The following FAM177A1 variants were observed in gnomAD, a reference collection of about 807,000 sequenced individuals.
FAM177A1 encodes family with sequence similarity 177 member A1.
FAM177A1 carries 22 observed loss-of-function variants against 26.1 expected under a neutral mutation model. The ratio of observed to expected loss-of-function variants is 0.84; its 90% confidence interval spans 0.60 to 1.20. The LOEUF (loss-of-function observed/expected upper bound fraction) is 1.20. Ranked by LOEUF, FAM177A1 falls within the 50% of genes most tolerant of loss-of-function variation. The pLI is 0.00. For synonymous variants in FAM177A1, 95 were observed against 99.3 expected (o/e 0.96, Z 0.26); for missense variants, 296 against 291.1 (o/e 1.02, Z -0.12).
intron 1 of FAM177A1, 152 bp from the exon 2 acceptor site, chr14:35,053,126 G>T: frequency 1.5e-6 from 1 of 652,082 alleles, no homozygotes. Flanking sequence ...ACTCCAGCCT[G>T]AGCAATAGAG....
At chr14:35,080,487 C>T (rs2045463795) in intron 4 of FAM177A1, among the ~76,000 whole-genome samples, 4 of 152,122 alleles carry the variant, frequency 2.6e-5, no homozygotes, top group African/African-American at 9.7e-5. Context: ...TGATGTAGTG[C>T]TGGACCCTGT....
Position 35,053,286 on chromosome 14 carries a change from C to A in FAM177A1, c.174C>A (p.Asn58Lys). The A allele has an allele frequency of 6.2e-7, 1 of 1,609,404 alleles. No individual in the cohort carries two copies. The highest frequency in any genetic ancestry group is 8.5e-7 in the Non-Finnish European group (1 of 1,178,910). The change falls in exon 2 of 5, where the codon AAC becomes AAA. Residue 58 changes from asparagine to lysine, a missense_variant. Physicochemically the swap from Asn to Lys is moderately conservative, Grantham distance 94. Coordinates refer to ENST00000280987, the MANE Select transcript of FAM177A1 (RefSeq NM_173607.5). ...AAATATCGTTGATATAGATGAGTAA[C>A]GAAAGAGGCTTTGAAAATGTAGAAC... is the stretch of plus-strand genomic sequence containing the variant. ...AFGESAGQMS[N>K]ERGFENVELG... is the part of the protein sequence containing the mutation.
chr14:35,065,221 T>C (rs2045222954), intron 2 of FAM177A1, among the ~76,000 whole-genome samples: 1 of 151,796 alleles, frequency 6.6e-6, no homozygotes, highest in East Asian at 1.9e-4. Context: ...TCGCCCAGGC[T>C]GGAGTGCGGT....
chr14:35,046,919 C>G lies in FAM177A1; in HGVS notation c.165+291C>G, dbSNP rs539785081. The G allele has an allele frequency of 1.9e-4, 233 of 1,201,156 alleles. 1 individual carries two copies. The highest frequency in any genetic ancestry group is 6.3e-4 in the Middle Eastern group (2 of 3,162). 74.4% of individuals were successfully genotyped at this position (1,201,156 alleles called of 1,614,324 possible). On this transcript the variant is annotated intron_variant, in intron 1 of 4. Transcript: ENST00000280987. Reference sequence around the variant, plus strand: ...TACCAGAGGAAGAAGAAAGGCGTGTCCCCCAAAGGCTGTCCTTGCAGTAGC... The same window carrying G: ...TACCAGAGGAAGAAGAAAGGCGTGTGCCCCAAAGGCTGTCCTTGCAGTAGC...
At chr14:35,065,980 G>A (rs947950881) in intron 2 of FAM177A1, among the ~76,000 whole-genome samples, 2 of 152,062 alleles carry the variant, frequency 1.3e-5, no homozygotes, top group East Asian at 3.9e-4. Flanking sequence ...GAGATTACAG[G>A]TGTGAGCCAC....
intron 2 of FAM177A1, among the ~76,000 whole-genome samples, chr14:35,055,988 A>G (rs553978522): frequency 6.6e-6 from 1 of 152,026 alleles, no homozygotes. Context: ...TTTCAGGTGC[A>G]TATTGGCCAT....
intron 2 of FAM177A1, among the ~76,000 whole-genome samples, chr14:35,057,507 G>T (rs969803809): frequency 6.6e-6 from 1 of 151,964 alleles, no homozygotes; most frequent in Non-Finnish European, 1.5e-5. Flanking sequence ...AGCTTCCCGA[G>T]TAGTTGGGAT....
chr14:35,061,779 A>AT (rs1443755761), intron 2 of FAM177A1, among the ~76,000 whole-genome samples: 2 of 150,748 alleles, frequency 1.3e-5, no homozygotes. Context: ...TAAAAAAAAA[A>AT]GCTGTAAGTA....
At position 35,046,502 on chromosome 14, in the gene FAM177A1, C is replaced by G; in HGVS notation, c.39C>G (p.Thr13=). ...TACCGGCCATTACCCTCTTTCTCAC[C>G]AGCGCCAGCAGCCCTGTGGTGGCGA... ...VGLPAITLFL[T]SASSPVVATT... is the part of the protein sequence containing the mutation. The change falls in exon 1 of 5, where the codon ACC becomes ACG. Residue 13 remains threonine (T), a synonymous_variant. Coordinates refer to ENST00000280987, the MANE Select transcript of FAM177A1 (RefSeq NM_173607.5). The G allele has an allele frequency of 6.2e-7, 1 of 1,602,038 alleles. No individual in the cohort carries two copies. The highest frequency in any genetic ancestry group is 1.1e-5 in the South Asian group (1 of 88,992).
At chr14:35,052,312 TC>T (rs1309069938) in intron 1 of FAM177A1, among the ~76,000 whole-genome samples, 2 of 151,858 alleles carry the variant, frequency 1.3e-5, no homozygotes, top group Non-Finnish European at 2.9e-5. Context: ...TGGCGCGCCT[TC>T]CAGGTTCATG....
At chr14:35,055,688 G>T (rs2045051125) in intron 2 of FAM177A1, among the ~76,000 whole-genome samples, 1 of 152,166 alleles carries the variant, frequency 6.6e-6, no homozygotes, top group Middle Eastern at 3.4e-3. Flanking sequence ...AAAGTGCTGG[G>T]ATTACAGGCA....
In FAM177A1 at chr14:35,057,340, T is replaced by A. The variant is rs1382767748; in HGVS notation, c.339+3889T>A. 3.9e-5 allele frequency among the ~76,000 whole-genome samples: 6 copies of A among 152,252 alleles called. No homozygotes were observed. The East Asian group carries it at 7.7e-4, about 20-fold the overall frequency. ...CCTCACAAGTAGTAGGGTTTACAGA[T>A]GTGCACCACCATGCCCAGCTTCCCA... On this transcript the variant is annotated intron_variant, in intron 2 of 4. Transcript: ENST00000280987.
At chr14:35,064,154 A>G (rs2045203906) in intron 2 of FAM177A1, among the ~76,000 whole-genome samples, 1 of 151,426 alleles carries the variant, frequency 6.6e-6, no homozygotes, top group Non-Finnish European at 1.5e-5. Context: ...TTGGGAGGCC[A>G]AGGTGGGCAG....
chr14:35,064,035 G>A (rs1177969221), intron 2 of FAM177A1, among the ~76,000 whole-genome samples: 1 of 136,570 alleles, frequency 7.3e-6, no homozygotes, highest in Non-Finnish European at 1.5e-5. Flanking sequence ...ACCACAGAGC[G>A]AGACTCTGTC....
intron 1 of FAM177A1, among the ~76,000 whole-genome samples, chr14:35,047,952 T>G (rs1460652148): frequency 6.6e-6 from 1 of 152,204 alleles, no homozygotes; most frequent in Non-Finnish European, 1.5e-5. Context: ...AGATGTCGTT[T>G]GCATTAACAA....
At chr14:35,073,062 CTCTTCT>C (rs139602399) in intron 2 of FAM177A1, among the ~76,000 whole-genome samples, 5 of 151,526 alleles carry the variant, frequency 3.3e-5, no homozygotes, top group Admixed American at 6.6e-5. Flanking sequence ...TATCAGGGTT[CTCTTCT>C]TCTTCTTCTT....
intron 2 of FAM177A1, among the ~76,000 whole-genome samples, chr14:35,066,862 C>T (rs1417507140): frequency 6.6e-6 from 1 of 151,590 alleles, no homozygotes; most frequent in Non-Finnish European, 1.5e-5. Flanking sequence ...GGCACAATCT[C>T]AGCTCACCGC....
At chr14:35,061,480 T>G (rs2138542457) in intron 2 of FAM177A1, among the ~76,000 whole-genome samples, 1 of 147,656 alleles carries the variant, frequency 6.8e-6, no homozygotes, top group Middle Eastern at 3.4e-3. Context: ...TTTTTTTTAG[T>G]CTTTGTTTTA....
intron 1 of FAM177A1, among the ~76,000 whole-genome samples, chr14:35,051,341 A>G (rs561040823): frequency 6.6e-6 from 1 of 152,226 alleles, no homozygotes; most frequent in African/African-American, 2.4e-5. Flanking sequence ...GCTGGTCTCC[A>G]ACTCCTGACA....
Sources: allele counts gnomAD v4.1 joint callset (sites outside exome capture counted in the v4.1 genomes callset), GRCh38; gene constraint gnomAD v4.1.1; transcripts MANE v1.5; gene names NCBI Gene and HGNC (gene_info 2026-07-23, HGNC 2026-07-21).